CNTLN: variants seen among roughly 807,000 people sequenced by gnomAD.
The protein encoded by CNTLN is centlein, centrosomal protein.
In CNTLN, 212 loss-of-function variants were observed where a neutral mutation model predicts 180.0. The observed-to-expected ratio is 1.18, with a 90% confidence interval of 1.05 to 1.32. CNTLN has a LOEUF of 1.32. Among genes scored for constraint, CNTLN ranks in the 40% most tolerant of loss-of-function variants. The probability of loss-of-function intolerance (pLI) is 0.00; values close to 1 mark genes in which losing one functional copy is unlikely to be tolerated. For missense variants in CNTLN, 2,095 were observed against 1,610.9 expected (o/e 1.30, Z -5.14); for synonymous variants, 722 against 563.1 (o/e 1.28, Z -3.99).
chr9:17,464,443 A>C, intron 20 of CNTLN, 54 bp from the exon 21 acceptor site: 1 of 1,452,926 alleles, frequency 6.9e-7, no homozygotes, highest in Non-Finnish European at 9.2e-7. Flanking sequence ...GTAAGATATC[A>C]CCACTGTTAA....
In CNTLN at chr9:17,502,890, C is replaced by T. The variant is rs570429747; in HGVS notation, c.*238C>T. 38 of 229,590 alleles carry T rather than the reference C, an allele frequency of 1.7e-4. No individual in the cohort carries two copies. In the South Asian group the frequency reaches 4.3e-3, roughly 26 times the overall value. The allele number at this position is 229,590 out of a possible 1,614,324, so 14.2% of individuals were successfully genotyped here. On this transcript the variant is annotated 3_prime_UTR_variant, in exon 26 of 26. Coordinates refer to ENST00000380647, the MANE Select transcript of CNTLN (RefSeq NM_017738.4). The stretch of plus-strand genomic sequence containing the variant: ...GTCGAATACAAATATTGCCACAAAT[C>T]AGTGCAAACTTAAAAATGATTTTCC...
intron 7 of CNTLN, among the ~76,000 whole-genome samples, chr9:17,305,521 G>GT (rs34010980): frequency 0.3 from 43,606 of 147,512 alleles, 6,319 homozygotes; most frequent in South Asian, 0.41. Flanking sequence ...CTTGAGCACT[G>GT]TTTTTTTTTT....
intron 9 of CNTLN, among the ~76,000 whole-genome samples, chr9:17,331,526 G>A (rs1484404619): frequency 6.6e-6 from 1 of 151,708 alleles, no homozygotes; most frequent in Non-Finnish European, 1.5e-5. Context: ...TTTTTCACAC[G>A]CTTGTTACTT....
chr9:17,400,085 T>C (rs1385312791), intron 15 of CNTLN, among the ~76,000 whole-genome samples: 2 of 152,182 alleles, frequency 1.3e-5, no homozygotes, highest in Non-Finnish European at 2.9e-5. Flanking sequence ...GCCAAGAACA[T>C]AAGTTGGATA....
chr9:17,367,260 C>T (rs995333069), intron 13 of CNTLN, among the ~76,000 whole-genome samples: 5 of 152,170 alleles, frequency 3.3e-5, no homozygotes, highest in East Asian at 1.9e-4. Context: ...AGAGCAAAAC[C>T]GGGCCAAATG....
At chr9:17,274,020 T>C in intron 6 of CNTLN, 154 bp downstream of exon 6, 1 of 616,762 alleles carries the variant, frequency 1.6e-6, no homozygotes, top group Non-Finnish European at 2.5e-6. Context: ...TTATTTACAC[T>C]AACTTGAAAA....
At chr9:17,411,604 C>T (rs927750573) in intron 16 of CNTLN, among the ~76,000 whole-genome samples, 3 of 152,132 alleles carry the variant, frequency 2.0e-5, no homozygotes, top group Non-Finnish European at 2.9e-5. Context: ...GGTGGGTGAG[C>T]CATTGTTACG....
chr9:17,522,528 G>A, the CNTLN span, among the ~76,000 whole-genome samples: 1 of 152,124 alleles, frequency 6.6e-6, no homozygotes, highest in Non-Finnish European at 1.5e-5. Flanking sequence ...CGGGGGCTGG[G>A]CTCCTATGGG....
chr9:17,492,385 T>C (rs1833213275), intron 25 of CNTLN, among the ~76,000 whole-genome samples: 1 of 152,114 alleles, frequency 6.6e-6, no homozygotes, highest in South Asian at 2.1e-4. Context: ...TAAAATTAAG[T>C]CTCAACCAAA....
chr9:17,193,186 C>T (rs1821901568), intron 2 of CNTLN, among the ~76,000 whole-genome samples: 2 of 152,188 alleles, frequency 1.3e-5, no homozygotes, highest in South Asian at 4.2e-4. Flanking sequence ...ACAGGCCAAA[C>T]CATATCATTC....
chr9:17,308,754 C>A (rs1488347063), intron 7 of CNTLN, among the ~76,000 whole-genome samples: 1 of 151,744 alleles, frequency 6.6e-6, no homozygotes, highest in East Asian at 1.9e-4. Flanking sequence ...GTATTTTCTT[C>A]CTCAGAAATT....
chr9:17,158,952 C>CAAAA (rs1372926651), intron 2 of CNTLN, among the ~76,000 whole-genome samples: 7 of 151,714 alleles, frequency 4.6e-5, no homozygotes. Flanking sequence ...GAGACTTTTC[C>CAAAA]ACTTCCTTGA....
chr9:17,156,851 T>C (rs1206513013), intron 2 of CNTLN, among the ~76,000 whole-genome samples: 1 of 152,188 alleles, frequency 6.6e-6, no homozygotes, highest in East Asian at 1.9e-4. Context: ...AAAATAGAAT[T>C]GAAAGCACTC....
intron 23 of CNTLN, among the ~76,000 whole-genome samples, chr9:17,478,194 A>G (rs1229233653): frequency 6.6e-6 from 1 of 152,262 alleles, no homozygotes; most frequent in African/African-American, 2.4e-5. Context: ...CATAACTTTT[A>G]CATTCACTGG....
At chr9:17,193,456 G>T (rs1031427999) in intron 2 of CNTLN, among the ~76,000 whole-genome samples, 2 of 152,114 alleles carry the variant, frequency 1.3e-5, no homozygotes, top group Non-Finnish European at 2.9e-5. Flanking sequence ...AAACAAAGGG[G>T]TTACAGGGCC....
At position 17,175,188 on chromosome 9, in the gene CNTLN, C is replaced by T. The variant is rs562068464; in HGVS notation, c.449+31812C>T. 3.7e-4 allele frequency among the ~76,000 whole-genome samples: 57 copies of T among 152,142 alleles called. 1 individual carries two copies. The highest frequency in any genetic ancestry group is 1.2e-3 in the African/African-American group (50 of 41,500). Reference sequence around the variant, plus strand: ...TTTTCTTCAATGGGTATGTTTTTGGCGTCAAATTGAGATTTTGTTTTTGCC... The same window carrying T: ...TTTTCTTCAATGGGTATGTTTTTGGTGTCAAATTGAGATTTTGTTTTTGCC... On this transcript the variant is annotated intron_variant, in intron 2 of 25. Coordinates refer to ENST00000380647, the MANE Select transcript of CNTLN (RefSeq NM_017738.4).
chr9:17,285,015 T>A (rs975968743), intron 6 of CNTLN, among the ~76,000 whole-genome samples: 6 of 149,308 alleles, frequency 4.0e-5, no homozygotes, highest in South Asian at 2.2e-4. Flanking sequence ...TTTTTTTTTT[T>A]AATTATACTT....
chr9:17,143,457 T>C, intron 2 of CNTLN, 81 bp downstream of exon 2: 1 of 965,204 alleles, frequency 1.0e-6, no homozygotes, highest in East Asian at 2.4e-5. Flanking sequence ...GTACTTATCA[T>C]TAATCTCCTA....
At chr9:17,312,362 TA>T (rs1819209680) in intron 8 of CNTLN, among the ~76,000 whole-genome samples, 1 of 16,550 alleles carries the variant, frequency 6.0e-5, no homozygotes, top group African/African-American at 1.2e-4. Flanking sequence ...TATATATATA[TA>T]TTATATATAT....
Sources: gnomAD v4.1 joint callset for allele counts (sites outside exome capture counted in the v4.1 genomes callset) on GRCh38, gnomAD v4.1.1 for gene constraint, MANE v1.5 for transcripts, NCBI Gene and HGNC (gene_info 2026-07-23, HGNC 2026-07-21) for gene names.